The following PLCB1 variants were observed in gnomAD, a reference collection of about 807,000 sequenced individuals.
PLCB1 encodes 1-phosphatidylinositol 4,5-bisphosphate phosphodiesterase beta-1.
A neutral mutation model predicts 161.8 loss-of-function variants in PLCB1; 46 were observed. The ratio of observed to expected loss-of-function variants is 0.28; its 90% CI spans 0.22 to 0.36. The LOEUF is 0.36. PLCB1 is among the 10% of genes least tolerant of loss of function. The probability of loss-of-function intolerance (pLI) is 1.00; values close to 1 mark genes in which losing one functional copy is unlikely to be tolerated. For synonymous variants in PLCB1, 517 were observed against 503.7 expected (o/e 1.03, Z -0.35); for missense variants, 1,016 against 1,472.5 (o/e 0.69, Z 5.07).
chr20:8,246,991 G>T (rs1332512824), intron 2 of PLCB1, among the ~76,000 whole-genome samples: 2 of 151,804 alleles, frequency 1.3e-5, no homozygotes, highest in Non-Finnish European at 2.9e-5. Context: ...ACAGCAGCAG[G>T]TCTGTTTGGC....
At chr20:8,146,606 T>A (rs557170347) in intron 1 of PLCB1, among the ~76,000 whole-genome samples, 1 of 152,352 alleles carries the variant, frequency 6.6e-6, no homozygotes, top group Non-Finnish European at 1.5e-5. Flanking sequence ...CTTATATCAG[T>A]GCATTGATGA....
In PLCB1 at chr20:8,679,897, C is replaced by G. The variant is rs1040335656; in HGVS notation, c.863-5035C>G. Among the ~76,000 whole-genome samples the G allele has an allele frequency of 2.0e-5, 3 of 152,174 alleles. No homozygotes were observed. The East Asian group carries it at 5.8e-4, about 29-fold the overall frequency. On this transcript the variant is annotated intron_variant, in intron 9 of 31. Transcript: ENST00000338037. Reference sequence around the variant, plus strand: ...GCTTTTACTGTTTCATAATCTCACTCAAATGTGGGACATTTTGTTTTAATT... The same window carrying G: ...GCTTTTACTGTTTCATAATCTCACTGAAATGTGGGACATTTTGTTTTAATT...
intron 2 of PLCB1, chr20:8,256,876 T>A (rs1322924018): frequency 6.6e-6 from 1 of 152,166 alleles, no homozygotes; most frequent in Non-Finnish European, 1.5e-5. Flanking sequence ...CTGGGCAATT[T>A]TCTGTCAATT....
intron 31 of PLCB1, among the ~76,000 whole-genome samples, chr20:8,814,281 A>G (rs1984974376): frequency 6.6e-6 from 1 of 152,170 alleles, no homozygotes; most frequent in East Asian, 1.9e-4. Flanking sequence ...CCTTGTTCTG[A>G]CAGGATTCTG....
At chr20:8,388,251 G>A (rs918690560) in intron 3 of PLCB1, among the ~76,000 whole-genome samples, 8 of 151,840 alleles carry the variant, frequency 5.3e-5, no homozygotes, top group African/African-American at 1.2e-4. Flanking sequence ...AAATTAGGCC[G>A]TTTATTTAAG....
At chr20:8,545,710 A>G (rs1985512535) in intron 3 of PLCB1, among the ~76,000 whole-genome samples, 1 of 152,254 alleles carries the variant, frequency 6.6e-6, no homozygotes, top group Non-Finnish European at 1.5e-5. Context: ...AGCCAAAGTA[A>G]AAAGCCCTGA....
chr20:8,192,216 T>C (rs1027994154), intron 2 of PLCB1, among the ~76,000 whole-genome samples: 2 of 152,038 alleles, frequency 1.3e-5, no homozygotes, highest in Non-Finnish European at 2.9e-5. Flanking sequence ...CTGAAGACTT[T>C]AGGGAGATGC....
chr20:8,330,585 G>T (rs567848950), intron 2 of PLCB1, among the ~76,000 whole-genome samples: 3 of 152,342 alleles, frequency 2.0e-5, no homozygotes, highest in African/African-American at 7.2e-5. Context: ...TCTGATGAAT[G>T]CATGTCAGGC....
intron 2 of PLCB1, among the ~76,000 whole-genome samples, chr20:8,350,441 A>G (rs1986147198): frequency 6.6e-6 from 1 of 152,204 alleles, no homozygotes; most frequent in African/African-American, 2.4e-5. Context: ...TTATGGCTGC[A>G]TAGTATTCCA....
intron 14 of PLCB1, among the ~76,000 whole-genome samples, chr20:8,718,086 G>C (rs578089802): frequency 6.6e-6 from 1 of 152,198 alleles, no homozygotes; most frequent in Admixed American, 6.5e-5. Flanking sequence ...TGGGCATAGT[G>C]GCACGTACCT....
chr20:8,259,017 T>G (rs1340532436), intron 2 of PLCB1, among the ~76,000 whole-genome samples: 1 of 152,186 alleles, frequency 6.6e-6, no homozygotes, highest in African/African-American at 2.4e-5. Flanking sequence ...AAAATATAAA[T>G]GGAATCATAC....
chr20:8,871,838 T>C (rs148679708), intron 31 of PLCB1, among the ~76,000 whole-genome samples: 117 of 152,344 alleles, frequency 7.7e-4, no homozygotes, highest in African/African-American at 2.1e-3. Context: ...AAAATGAGGT[T>C]ACACAATATT....
intron 2 of PLCB1, among the ~76,000 whole-genome samples, chr20:8,224,326 C>T (rs1979565007): frequency 6.6e-6 from 1 of 152,046 alleles, no homozygotes; most frequent in Non-Finnish European, 1.5e-5. Context: ...GTTCAGCACC[C>T]ACAGGGTTTT....
intron 2 of PLCB1, among the ~76,000 whole-genome samples, chr20:8,368,527 T>TAAA (rs1328824671): frequency 2.5e-5 from 1 of 40,730 alleles, no homozygotes; most frequent in African/African-American, 1.3e-4. Flanking sequence ...ACTCTGTCTC[T>TAAA]CAAAAAAAAA....
chr20:8,225,376 G>A (rs1979628116), intron 2 of PLCB1, among the ~76,000 whole-genome samples: 1 of 152,134 alleles, frequency 6.6e-6, no homozygotes, highest in Non-Finnish European at 1.5e-5. Context: ...TAAATTGGGG[G>A]AGAGTCCCAT....
At chr20:8,610,486 T>C (rs76457404) in intron 3 of PLCB1, among the ~76,000 whole-genome samples, 3,433 of 152,298 alleles carry the variant, frequency 0.023, 55 homozygotes, top group Non-Finnish European at 0.034. Flanking sequence ...TCATTTCTCG[T>C]AGGTATATAC....
chr20:8,853,476 A>G (rs573638346), intron 31 of PLCB1, among the ~76,000 whole-genome samples: 1 of 152,354 alleles, frequency 6.6e-6, no homozygotes, highest in Non-Finnish European at 1.5e-5. Context: ...CATACAGTCT[A>G]TAGTTCTTTG....
intron 3 of PLCB1, among the ~76,000 whole-genome samples, chr20:8,613,780 A>G (rs1051761536): frequency 6.6e-6 from 1 of 152,148 alleles, no homozygotes; most frequent in Admixed American, 6.6e-5. Flanking sequence ...TGTAAATTGA[A>G]TATTTTTATA....
intron 3 of PLCB1, among the ~76,000 whole-genome samples, chr20:8,510,920 G>GTA (rs1983858869): frequency 6.6e-6 from 1 of 152,114 alleles, no homozygotes; most frequent in African/African-American, 2.4e-5. Context: ...GATGCTATGT[G>GTA]TATATATTGT....
Sources: allele counts gnomAD v4.1 joint callset (sites outside exome capture counted in the v4.1 genomes callset), GRCh38; gene constraint gnomAD v4.1.1; transcripts MANE v1.5; gene names NCBI Gene and HGNC (gene_info 2026-07-23, HGNC 2026-07-21).